SYCP2: variants seen among roughly 807,000 people sequenced by gnomAD.
The protein encoded by SYCP2 is synaptonemal complex lateral element protein.
In SYCP2, 55 loss-of-function variants were observed where a neutral mutation model predicts 211.3. The ratio of observed to expected loss-of-function variants is 0.26; its 90% CI spans 0.21 to 0.33. The LOEUF (loss-of-function observed/expected upper bound fraction) is 0.33, where lower values mean the gene tolerates loss of function less well. Ranked by LOEUF, SYCP2 falls within the 10% of genes least tolerant of loss-of-function variation. SYCP2 has a pLI of 1.00. For synonymous variants in SYCP2, 570 were observed against 555.2 expected (o/e 1.03, Z -0.37); for missense variants, 1,731 against 1,752.0 (o/e 0.99, Z 0.21).
At chr20:59,899,039 T>C (rs1207629102) in intron 18 of SYCP2, among the ~76,000 whole-genome samples, 1 of 152,176 alleles carries the variant, frequency 6.6e-6, no homozygotes, top group Non-Finnish European at 1.5e-5. Context: ...AGAAGAATGC[T>C]ATCAAGATAC....
intron 26 of SYCP2, among the ~76,000 whole-genome samples, chr20:59,882,416 A>C (rs6027167): frequency 0.018 from 2,741 of 152,268 alleles, 87 homozygotes; most frequent in African/African-American, 0.063. Flanking sequence ...AACTAAAAAT[A>C]GAACTACAGT....
At chr20:59,879,818 AATAAATATATATATAT>A (rs61700191) in intron 31 of SYCP2, among the ~76,000 whole-genome samples, 20,395 of 125,464 alleles carry the variant, frequency 0.16, 2,087 homozygotes, top group African/African-American at 0.28. Context: ...AGTAAATATA[AATAAATATATATATAT>A]ATATATATAT....
intron 35 of SYCP2, among the ~76,000 whole-genome samples, chr20:59,871,536 T>C (rs1289457540): frequency 6.6e-6 from 1 of 151,764 alleles, no homozygotes; most frequent in Non-Finnish European, 1.5e-5. Context: ...AGATGGTGGG[T>C]GGGGATTACC....
At chr20:59,874,124 G>A in intron 34 of SYCP2, 63 bp from the exon 35 acceptor site, 1 of 764,664 alleles carries the variant, frequency 1.3e-6, no homozygotes, top group Non-Finnish European at 2.0e-6. Flanking sequence ...GTCTGCTTTA[G>A]AAATAGCACG....
At chr20:59,916,977 G>C (rs1433549325) in intron 7 of SYCP2, among the ~76,000 whole-genome samples, 1 of 152,090 alleles carries the variant, frequency 6.6e-6, no homozygotes, top group African/African-American at 2.4e-5. Flanking sequence ...TCAGAAGAAG[G>C]CCCACCAGGG....
chr20:59,864,274 T>C lies in SYCP2; in HGVS notation c.*37A>G. 14 of 1,374,210 alleles carry C rather than the reference T, an allele frequency of 1.0e-5. No homozygotes were observed. Among genetic ancestry groups the C allele is most frequent in the Non-Finnish European group, 1.4e-5 (14 of 982,508 alleles). 85.1% of individuals were successfully genotyped at this position (1,374,210 alleles called of 1,614,324 possible). On this transcript the variant is annotated 3_prime_UTR_variant, in exon 45 of 45. Coordinates refer to ENST00000357552, the MANE Select transcript of SYCP2 (RefSeq NM_014258.4). ...TATTTCCTCAGTTATATACAGAGAA[T>C]AATAATTAGATAAAGTATGGTGATA...
rs374123716 is a variant in SYCP2 at position 59,910,373 on chromosome 20, TA to T, written c.972+1376del. On this transcript the variant is annotated intron_variant, in intron 14 of 44. Transcript: ENST00000357552. ...TGTATACTGCTATAGTGTAATTGCT[TA>T]TTTTTTTTTTTTTTTTTTTTTTTTT... 3.3e-4 allele frequency among the ~76,000 whole-genome samples: 44 copies of T among 134,910 alleles called. 2 individuals are homozygous for T. The highest frequency in any genetic ancestry group is 6.1e-4 in the Non-Finnish European group (38 of 62,470). The allele number at this position is 134,910 out of a possible 152,430, so 88.5% of individuals were successfully genotyped here. A position where few individuals can be genotyped will look rare whatever the true frequency, so the allele number is the denominator to read the frequency against.
rs761245148 is a variant in SYCP2, at chr20:59,900,826, TAAATC to T, written c.1183-13_1183-9del. The T allele has an allele frequency of 1.7e-5, 27 of 1,588,666 alleles. No individual in the cohort carries two copies. Among genetic ancestry groups the T allele is most frequent in the Non-Finnish European group, 1.7e-6 (2 of 1,157,920 alleles). ...TTGTTTTCTGATAGATTCCTAAAAT[TAAATC>T]AATTCACAGTGATGACATTTTCTTC... On this transcript the variant is annotated splice_polypyrimidine_tract_variant and intron_variant, in intron 16 of 44. Coordinates refer to ENST00000357552, the MANE Select transcript of SYCP2 (RefSeq NM_014258.4).
chr20:59,930,156 C>CT (rs1321308746), intron 2 of SYCP2, among the ~76,000 whole-genome samples: 1 of 152,112 alleles, frequency 6.6e-6, no homozygotes, highest in Non-Finnish European at 1.5e-5. Flanking sequence ...TCTCATAACT[C>CT]TATCTTTCAG....
At chr20:59,891,899 T>C (rs1309821623) in intron 24 of SYCP2, 91 bp downstream of exon 24, 12 of 1,124,936 alleles carry the variant, frequency 1.1e-5, no homozygotes, top group Non-Finnish European at 1.3e-5. Flanking sequence ...ACATGTTAAA[T>C]GTGTAGCAAT....
intron 5 of SYCP2, 48 bp from the exon 6 acceptor site, chr20:59,919,645 G>T (rs2060504582): frequency 8.3e-7 from 1 of 1,202,842 alleles, no homozygotes; most frequent in Non-Finnish European, 1.2e-6. Context: ...ATAATTTTAA[G>T]AATGTACTTA....
chr20:59,882,389 G>A (rs1022860757), intron 26 of SYCP2, among the ~76,000 whole-genome samples: 1 of 152,074 alleles, frequency 6.6e-6, no homozygotes, highest in Admixed American at 6.6e-5. Flanking sequence ...GAATAACAGT[G>A]TGAAGTTTCC....
At chr20:59,888,922 A>C (rs1568935207) in intron 24 of SYCP2, among the ~76,000 whole-genome samples, 1 of 152,092 alleles carries the variant, frequency 6.6e-6, no homozygotes, top group Non-Finnish European at 1.5e-5. Context: ...ATGTATATCT[A>C]ACAAAACATG....
chr20:59,880,189 G>T, intron 31 of SYCP2, 114 bp downstream of exon 31: 1 of 783,450 alleles, frequency 1.3e-6, no homozygotes, highest in Non-Finnish European at 2.0e-6. Flanking sequence ...TCCTATCCAT[G>T]AAAGTATGTA....
intron 10 of SYCP2, among the ~76,000 whole-genome samples, chr20:59,914,764 C>T (rs373123674): frequency 6.6e-6 from 1 of 151,782 alleles, no homozygotes; most frequent in East Asian, 1.9e-4. Context: ...ATTAGACACC[C>T]TAATTTCATA....
At chr20:59,875,564 G>T in intron 33 of SYCP2, 95 bp from the exon 34 acceptor site, 1 of 929,310 alleles carries the variant, frequency 1.1e-6, no homozygotes, top group East Asian at 2.7e-5. Context: ...ATTAAATGTT[G>T]TATATTACCA....
intron 35 of SYCP2, 75 bp from the exon 36 acceptor site, chr20:59,870,058 G>A: frequency 1.0e-6 from 1 of 981,612 alleles, no homozygotes; most frequent in Non-Finnish European, 1.4e-6. Context: ...AAAAAGAGTT[G>A]AACATAAGAA....
chr20:59,866,460 T>C (rs770370691), intron 40 of SYCP2, 35 bp downstream of exon 40: 12 of 1,575,110 alleles, frequency 7.6e-6, no homozygotes, highest in Non-Finnish European at 1.0e-5. Flanking sequence ...ATATGTAGCA[T>C]TCAAAAGTTT....
chr20:59,868,003 T>C (rs935775446), intron 38 of SYCP2, among the ~76,000 whole-genome samples, 156 bp from the exon 39 acceptor site: 1 of 151,858 alleles, frequency 6.6e-6, no homozygotes, highest in Non-Finnish European at 1.5e-5. Context: ...ATGTTTTTTT[T>C]AATTTAAAAA....
Sources: allele counts gnomAD v4.1 joint callset (sites outside exome capture counted in the v4.1 genomes callset), GRCh38; gene constraint gnomAD v4.1.1; transcripts MANE v1.5; gene names NCBI Gene and HGNC (gene_info 2026-07-23, HGNC 2026-07-21).